The following PROSER2 variants were observed in gnomAD, a reference collection of about 807,000 sequenced individuals.
PROSER2 encodes the protein proline and serine rich 2.
In PROSER2, 18 loss-of-function variants were observed where a neutral mutation model predicts 14.6. The ratio of observed to expected loss-of-function variants is 1.23; its 90% CI spans 0.85 to 1.83. The LOEUF is 1.83. Ranked by LOEUF, PROSER2 falls within the 40% of genes most tolerant of loss-of-function variation. PROSER2 has a pLI of 0.00. For synonymous variants in PROSER2, 367 were observed against 286.4 expected, an observed-to-expected ratio of 1.28 and a Z score of -2.84; for missense variants, 823 against 629.8, an observed-to-expected ratio of 1.31 and a Z score of -3.28.
rs141789852 is a variant in PROSER2 at position 11,825,302 on chromosome 10, G to A, written c.-82+1832G>A. 7.7e-4 allele frequency among the ~76,000 whole-genome samples: 117 copies of A among 152,314 alleles called. 1 individual carries two copies. Among genetic ancestry groups the A allele is most frequent in the Middle Eastern group, 3.4e-3 (1 of 294 alleles). ...TCTGCAGTGTTGTGGGGCAGCTGCCGGTGGCACAGAGGCCATTCGGGAGGT... is the reference window on the plus strand; with the variant it reads ...TCTGCAGTGTTGTGGGGCAGCTGCCAGTGGCACAGAGGCCATTCGGGAGGT... On this transcript the variant is annotated intron_variant, in intron 1 of 3. Coordinates refer to ENST00000277570, the MANE Select transcript of PROSER2 (RefSeq NM_153256.4).
At chr10:11,833,868 T>C (rs1010003846) in intron 1 of PROSER2, among the ~76,000 whole-genome samples, 2 of 151,678 alleles carry the variant, frequency 1.3e-5, no homozygotes, top group Non-Finnish European at 2.9e-5. Context: ...AGGCCAGTGA[T>C]GAAGGAGTCA....
In PROSER2 at chr10:11,838,403, A is replaced by ATAGAAAGTTCATG; in HGVS notation, c.-81-13593_-81-13581dup. ...GTAAGCATTTACCACGTTTCTACTTATAGAAAGTTCATGGTAGGCGAAGAA... is the reference window on the plus strand; with the variant it reads ...GTAAGCATTTACCACGTTTCTACTTATAGAAAGTTCATGTAGAAAGTTCATGGTAGGCGAAGAA... On this transcript the variant is annotated intron_variant, in intron 1 of 3. Transcript: ENST00000277570. This position sits in a 1 kb window ranked among gnomAD's most constrained non-coding sequence, Gnocchi z 4.4. Among the ~76,000 whole-genome samples, 1 of 152,348 alleles carries ATAGAAAGTTCATG rather than the reference A, an allele frequency of 6.6e-6. No individual in the cohort carries two copies. Among genetic ancestry groups the ATAGAAAGTTCATG allele is most frequent in the East Asian group, 1.9e-4 (1 of 5,192 alleles).
At chr10:11,846,692 G>T (rs973742969) in intron 1 of PROSER2, among the ~76,000 whole-genome samples, 1 of 152,260 alleles carries the variant, frequency 6.6e-6, no homozygotes, top group South Asian at 2.1e-4. Context: ...TGAACAGGCC[G>T]GCCAGGCCAT....
chr10:11,852,277 C>T, intron 2 of PROSER2, 62 bp downstream of exon 2: 1 of 1,515,294 alleles, frequency 6.6e-7, no homozygotes, highest in Non-Finnish European at 8.9e-7. Context: ...TGCCTCAATC[C>T]CTCTCCCTTG....
chr10:11,864,706 G>T (rs1363472140), intron 2 of PROSER2, among the ~76,000 whole-genome samples: 1 of 150,814 alleles, frequency 6.6e-6, no homozygotes. Context: ...CTCCTGCCTC[G>T]GCCTCCTAAG....
intron 3 of PROSER2, among the ~76,000 whole-genome samples, chr10:11,867,619 G>C (rs1222059790): frequency 2.0e-5 from 3 of 152,198 alleles, no homozygotes. Flanking sequence ...GCGAGACCCT[G>C]TCTCAAAAAA....
rs1037838529 is a variant in PROSER2 at position 11,870,202 on chromosome 10, C to G, written c.1104C>G (p.Phe368Leu). Residue 368 changes from phenylalanine (F) to leucine (L), a missense_variant, in exon 4 of 4, where the codon TTC becomes TTG. Phe to Leu is a conservative substitution (Grantham distance 22, BLOSUM62 0). Transcript: ENST00000277570. Reference protein sequence around the residue: ...SFAPAGKSLCFRPGPALPSTR... With the variant: ...SFAPAGKSLCLRPGPALPSTR... Reference sequence around the variant, plus strand: ...CGCCCGCTGGGAAGTCCCTCTGCTTCCGCCCTGGCCCGGCCCTGCCCAGCA... The same window carrying G: ...CGCCCGCTGGGAAGTCCCTCTGCTTGCGCCCTGGCCCGGCCCTGCCCAGCA... The G allele has an allele frequency of 2.0e-6, 3 of 1,489,338 alleles. No homozygotes were observed. The highest frequency in any genetic ancestry group is 2.2e-5 in the Admixed American group (1 of 45,358). 92.3% of individuals were successfully genotyped at this position (1,489,338 alleles called of 1,614,324 possible).
intron 1 of PROSER2, among the ~76,000 whole-genome samples, chr10:11,847,045 C>G (rs1564306345): frequency 6.6e-6 from 1 of 151,904 alleles, no homozygotes; most frequent in African/African-American, 2.4e-5. Context: ...AGCCACCACT[C>G]CCAGCCTGTC....
chr10:11,866,786 G>T lies in PROSER2; in HGVS notation c.391+3G>T. 1 of 1,608,682 alleles carries T rather than the reference G, an allele frequency of 6.2e-7. No individual in the cohort carries two copies. On this transcript the variant is annotated splice_donor_region_variant and intron_variant, in intron 3 of 3. Coordinates refer to ENST00000277570, the MANE Select transcript of PROSER2 (RefSeq NM_153256.4). This position sits in a 1 kb window ranked among gnomAD's most constrained non-coding sequence, Gnocchi z 6.0. Reference sequence around the variant, plus strand: ...TCCAGAGGGGACCCAGGCAGCAGGTGAGGGGGAAGACAGGCCATCCCTGGG... The same window carrying T: ...TCCAGAGGGGACCCAGGCAGCAGGTTAGGGGGAAGACAGGCCATCCCTGGG...
Position 11,869,451 on chromosome 10 carries a change from G to T in PROSER2, c.392-39G>T. 1 of 1,493,252 alleles carries T rather than the reference G, an allele frequency of 6.7e-7. No individual in the cohort carries two copies. 92.5% of individuals were successfully genotyped at this position (1,493,252 alleles called of 1,614,324 possible). ...GGGAACTTCATGCATTTACTTTCAC[G>T]TGGGCCGGTGGCTCACAGGCTCCTC... On this transcript the variant is annotated intron_variant, in intron 3 of 3. Coordinates refer to ENST00000277570, the MANE Select transcript of PROSER2 (RefSeq NM_153256.4). This position sits in a 1 kb window ranked among gnomAD's most constrained non-coding sequence, Gnocchi z 4.4.
chr10:11,842,215 A>G (rs2063639522), intron 1 of PROSER2, among the ~76,000 whole-genome samples: 1 of 146,164 alleles, frequency 6.8e-6, no homozygotes, highest in Non-Finnish European at 1.5e-5. Flanking sequence ...AGTAAGACTC[A>G]GTCTCAAAAA....
intron 1 of PROSER2, among the ~76,000 whole-genome samples, chr10:11,824,719 A>G (rs1833586993): frequency 6.6e-6 from 1 of 152,244 alleles, no homozygotes; most frequent in South Asian, 2.1e-4. Flanking sequence ...AAGCGACTGG[A>G]TTATATTCCT....
chr10:11,827,074 C>T (rs943853995), intron 1 of PROSER2, among the ~76,000 whole-genome samples: 1 of 151,208 alleles, frequency 6.6e-6, no homozygotes, highest in Non-Finnish European at 1.5e-5. Context: ...TTTGTAGAGA[C>T]TGGGTTTTGC....
chr10:11,846,049 C>T (rs1277795760), intron 1 of PROSER2, among the ~76,000 whole-genome samples: 17 of 152,088 alleles, frequency 1.1e-4, no homozygotes, highest in Admixed American at 9.2e-4. Flanking sequence ...TGCAGTGGTG[C>T]GATCTCGGCT....
chr10:11,838,563 G>A lies in PROSER2; in HGVS notation c.-81-13434G>A, dbSNP rs1490803625. Among the ~76,000 whole-genome samples the A allele has an allele frequency of 1.3e-5, 2 of 152,218 alleles. No individual in the cohort carries two copies. The highest frequency in any genetic ancestry group is 3.8e-4 in the East Asian group (2 of 5,202). ...GTGGAATGTGTGGCTCGTAGGACACGCTTAGTTTCTCTAAGTATTGCCCAG... is the reference window on the plus strand; with the variant it reads ...GTGGAATGTGTGGCTCGTAGGACACACTTAGTTTCTCTAAGTATTGCCCAG... On this transcript the variant is annotated intron_variant, in intron 1 of 3. Coordinates refer to ENST00000277570, the MANE Select transcript of PROSER2 (RefSeq NM_153256.4). This position sits in a 1 kb window ranked among gnomAD's most constrained non-coding sequence, Gnocchi z 4.4.
chr10:11,853,597 C>T (rs1834070345), intron 2 of PROSER2, among the ~76,000 whole-genome samples: 1 of 152,038 alleles, frequency 6.6e-6, no homozygotes, highest in Non-Finnish European at 1.5e-5. Context: ...AAAAGAAATG[C>T]CCAGCACCCA....
intron 1 of PROSER2, among the ~76,000 whole-genome samples, chr10:11,825,765 C>G (rs1216105667): frequency 6.6e-6 from 1 of 152,220 alleles, no homozygotes; most frequent in African/African-American, 2.4e-5. Context: ...GGAGAGCATT[C>G]TGCCTTGTCG....
intron 1 of PROSER2, among the ~76,000 whole-genome samples, chr10:11,844,493 T>C (rs1231553900): frequency 1.3e-5 from 2 of 152,224 alleles, no homozygotes; most frequent in Non-Finnish European, 2.9e-5. Context: ...AATACAAATA[T>C]ACATTCTTAA....
In PROSER2 at chr10:11,870,272, G is replaced by T; in HGVS notation, c.1174G>T (p.Ala392Ser). 1 of 1,490,574 alleles carries T rather than the reference G, an allele frequency of 6.7e-7. No individual in the cohort carries two copies. The highest frequency in any genetic ancestry group is 8.9e-7 in the Non-Finnish European group (1 of 1,127,902). The allele number at this position is 1,490,574 out of a possible 1,614,324, so 92.3% of individuals were successfully genotyped here. A position where few individuals can be genotyped will look rare whatever the true frequency, so the allele number is the denominator to read the frequency against. Residue 392 changes from alanine (A) to serine (S), a missense_variant, in exon 4 of 4, where the codon GCC becomes TCC. Physicochemically the swap from Ala to Ser is moderately conservative, Grantham distance 99 (BLOSUM62 1). Coordinates refer to ENST00000277570, the MANE Select transcript of PROSER2 (RefSeq NM_153256.4). ...CCCCGGGCCCCGGCAGCCCAACGGC[G>T]CCCAGGACTGGCGCCGCGCAGACTC... ...SFPGPRQPNGAQDWRRADSLP... is the reference protein window; with the variant it reads ...SFPGPRQPNGSQDWRRADSLP...
Sources: allele counts gnomAD v4.1 joint callset (sites outside exome capture counted in the v4.1 genomes callset), GRCh38; gene constraint gnomAD v4.1.1; non-coding constraint Gnocchi (gnomAD v3.1); transcripts MANE v1.5; gene names NCBI Gene and HGNC (gene_info 2026-07-23, HGNC 2026-07-21).